The following LTBP2 variants were observed in gnomAD, a reference collection of about 807,000 sequenced individuals.
LTBP2 encodes latent transforming growth factor beta binding protein 2.
Under a neutral mutation model 210.6 loss-of-function variants are expected in LTBP2, and 103 were observed. The observed-to-expected ratio is 0.49, with a 90% CI of 0.42 to 0.58. The LOEUF (loss-of-function observed/expected upper bound fraction) is 0.58, where lower values mean the gene tolerates loss of function less well. Ranked by LOEUF, LTBP2 falls within the 20% of genes least tolerant of loss-of-function variation. LTBP2 has a pLI of 0.00. For missense variants in LTBP2, 2,313 were observed against 2,494.5 expected (o/e 0.93, Z 1.55); for synonymous variants, 1,007 against 1,015.0 (o/e 0.99, Z 0.15).
chr14:74,561,266 C>T lies in LTBP2; in HGVS notation c.831-5573G>A, dbSNP rs10134872. On this transcript the variant is annotated intron_variant, in intron 3 of 35. Transcript: ENST00000261978. The stretch of plus-strand genomic sequence containing the variant: ...CCGGGAGGCAGAGGTTGCAGTGAGC[C>T]GAGATCACGCCATTGCATTCCAGCC... 7.0e-3 allele frequency among the ~76,000 whole-genome samples: 1,062 copies of T among 152,026 alleles called. 9 individuals carry two copies. The highest frequency in any genetic ancestry group is 0.025 in the African/African-American group (1,024 of 41,450).
chr14:74,564,972 G>A (rs1188886428), intron 3 of LTBP2, among the ~76,000 whole-genome samples: 3 of 152,192 alleles, frequency 2.0e-5, no homozygotes, highest in African/African-American at 7.2e-5. Flanking sequence ...GGCTTTGAGG[G>A]ATTAAAGAAT....
intron 2 of LTBP2, among the ~76,000 whole-genome samples, chr14:74,597,346 T>C (rs1595299995): frequency 1.3e-5 from 2 of 152,098 alleles, no homozygotes; most frequent in Non-Finnish European, 2.9e-5. Context: ...ATTTGGAAGG[T>C]CTGGGGAAAG....
intron 14 of LTBP2, 145 bp downstream of exon 14, chr14:74,525,930 C>G: frequency 1.2e-6 from 1 of 845,510 alleles, no homozygotes; most frequent in Non-Finnish European, 1.9e-6. Context: ...CTCCCAGAAA[C>G]AGCACTCACA....
chr14:74,508,934 T>C lies in LTBP2; in HGVS notation c.3422A>G (p.Asp1141Gly). ...DSCEDVDECEDPQSSCLGGEC... is the reference protein window; with the variant it reads ...DSCEDVDECEGPQSSCLGGEC... ...GCCTCCCAGGCAGCTGCTCTGGGGG[T>C]CTTCACATTCATCCACATCTGCAGG... The change falls in exon 23 of 36, where the codon GAC (aspartate) becomes GGC (glycine). Residue 1141 changes from aspartate to glycine, a missense_variant. By Grantham distance (94) the Asp-to-Gly change is moderately conservative (BLOSUM62 -1). Transcript: ENST00000261978. 6.2e-7 allele frequency: 1 copy of C among 1,612,792 alleles called. No homozygotes were observed. Among genetic ancestry groups the C allele is most frequent in the African/African-American group, 1.3e-5 (1 of 74,710 alleles).
At chr14:74,520,787 C>T (rs894201944) in intron 17 of LTBP2, among the ~76,000 whole-genome samples, 3 of 147,070 alleles carry the variant, frequency 2.0e-5, no homozygotes, top group Admixed American at 6.8e-5. Context: ...GGTGACAGAG[C>T]GAGACTCCAT....
At chr14:74,602,965 G>A (rs1324137850) in intron 2 of LTBP2, among the ~76,000 whole-genome samples, 1 of 152,248 alleles carries the variant, frequency 6.6e-6, no homozygotes, top group Non-Finnish European at 1.5e-5. Flanking sequence ...GGGATGCGGA[G>A]GCTCTGGGCC....
intron 3 of LTBP2, among the ~76,000 whole-genome samples, chr14:74,573,080 A>G (rs1462294558): frequency 1.3e-5 from 2 of 152,230 alleles, no homozygotes; most frequent in African/African-American, 4.8e-5. Context: ...CGACTTCTGT[A>G]GTTTTCTGAA....
At chr14:74,556,972 T>C (rs1283045704) in intron 3 of LTBP2, among the ~76,000 whole-genome samples, 2 of 152,152 alleles carry the variant, frequency 1.3e-5, no homozygotes, top group Non-Finnish European at 2.9e-5. Context: ...ATTAAAACTT[T>C]AGGATGAGGC....
chr14:74,608,428 G>A (rs2088557665), intron 1 of LTBP2, among the ~76,000 whole-genome samples: 1 of 151,788 alleles, frequency 6.6e-6, no homozygotes, highest in Non-Finnish European at 1.5e-5. Context: ...CCCTATAGAG[G>A]CCAGGCGTGG....
chr14:74,556,328 T>C (rs2087728503), intron 3 of LTBP2, among the ~76,000 whole-genome samples: 1 of 152,240 alleles, frequency 6.6e-6, no homozygotes, highest in Admixed American at 6.5e-5. Flanking sequence ...GTATATGATT[T>C]TACACTATTG....
chr14:74,601,265 G>T (rs4430686), intron 2 of LTBP2, among the ~76,000 whole-genome samples: 3,685 of 152,188 alleles, frequency 0.024, 169 homozygotes, highest in African/African-American at 0.085. Context: ...ATTATGAGGG[G>T]CTGGGCGTGG....
intron 4 of LTBP2, among the ~76,000 whole-genome samples, chr14:74,553,412 C>T (rs1566635734): frequency 1.3e-5 from 2 of 152,102 alleles, no homozygotes; most frequent in South Asian, 2.1e-4. Flanking sequence ...AAAAATGAGG[C>T]CCAGAGAAGT....
At chr14:74,585,604 C>T (rs971127835) in intron 3 of LTBP2, among the ~76,000 whole-genome samples, 2 of 152,170 alleles carry the variant, frequency 1.3e-5, no homozygotes, top group Non-Finnish European at 2.9e-5. Context: ...CTTTCAGGCA[C>T]TCGAGGGCAA....
At chr14:74,584,883 C>G (rs1476080162) in intron 3 of LTBP2, among the ~76,000 whole-genome samples, 1 of 152,148 alleles carries the variant, frequency 6.6e-6, no homozygotes, top group Non-Finnish European at 1.5e-5. Context: ...CCAGTCTCTC[C>G]TAACCTTTCC....
chr14:74,607,613 G>A (rs11159091), intron 1 of LTBP2, among the ~76,000 whole-genome samples: 49,319 of 152,016 alleles, frequency 0.32, 10,197 homozygotes, highest in Non-Finnish European at 0.46. Flanking sequence ...GAATAAACTT[G>A]GGCTAATTAT....
At chr14:74,536,074 G>A in intron 8 of LTBP2, 74 bp from the exon 9 acceptor site, 2 of 1,305,392 alleles carry the variant, frequency 1.5e-6, no homozygotes, top group Non-Finnish European at 2.2e-6. Flanking sequence ...TGGGAAGCGG[G>A]TGCAGTCTGG....
chr14:74,586,250 G>T lies in LTBP2; in HGVS notation c.566-132C>A. The T allele has an allele frequency of 1.0e-6, 1 of 980,550 alleles. No individual in the cohort carries two copies. The highest frequency in any genetic ancestry group is 1.5e-6 in the Non-Finnish European group (1 of 668,042). The allele number at this position is 980,550 out of a possible 1,614,324, so 60.7% of individuals were successfully genotyped here. ...GCTCAAGCAGGAAGCCACTCTCCTGGCCTCAGGGGGCTCCCTGACCCATGT... is the reference window on the plus strand; with the variant it reads ...GCTCAAGCAGGAAGCCACTCTCCTGTCCTCAGGGGGCTCCCTGACCCATGT... On this transcript the variant is annotated intron_variant, in intron 2 of 35. Coordinates refer to ENST00000261978, the MANE Select transcript of LTBP2 (RefSeq NM_000428.3). The surrounding 1 kb of genome is among the most constrained non-coding windows in gnomAD (Gnocchi z 4.6).
Position 74,585,884 on chromosome 14 carries a change from G to C in LTBP2, c.800C>G (p.Ser267Trp). 6.2e-7 allele frequency: 1 copy of C among 1,613,698 alleles called. No individual in the cohort carries two copies. Among genetic ancestry groups the C allele is most frequent in the Non-Finnish European group, 8.5e-7 (1 of 1,179,708 alleles). Reference sequence around the variant, plus strand: ...TGGTGGCGACTGTGGTGCGGGCGGCGACTGTGGTGCTGGCGGCTGTGCTCT... The same window carrying C: ...TGGTGGCGACTGTGGTGCGGGCGGCCACTGTGGTGCTGGCGGCTGTGCTCT... ...LARAQPPAPQ[S>W]PPAPQSPPAG... Residue 267 changes from serine to tryptophan, a missense_variant, in exon 3 of 36, where the codon TCG (serine) becomes TGG (tryptophan). Around this residue, in one of 3 missense-constraint regions of LTBP2, gnomAD observed 1,867 missense variants for 1,976.9 expected, o/e 0.94. Transcript: ENST00000261978.
chr14:74,506,772 T>C lies in LTBP2; in HGVS notation c.3959A>G (p.Asp1320Gly). Residue 1320 changes from aspartate to glycine, a missense_variant, in exon 27 of 36, where the codon GAC becomes GGC. This residue lies in a region of LTBP2 where 1,867 missense variants were observed against 1,976.9 expected (regional missense o/e 0.94). Coordinates refer to ENST00000261978, the MANE Select transcript of LTBP2 (RefSeq NM_000428.3). ...DTMCGSHGFC[D>G]NTDGSFRCLC... The stretch of plus-strand genomic sequence containing the variant: ...GCAGCGGAAGGAGCCATCAGTGTTG[T>C]CACAGAAGCCGTGGCTGCCACACAT... The C allele has an allele frequency of 6.2e-7, 1 of 1,614,062 alleles. No individual in the cohort carries two copies. Among genetic ancestry groups the C allele is most frequent in the Non-Finnish European group, 8.5e-7 (1 of 1,180,032 alleles).
Sources: gnomAD v4.1 joint callset for allele counts (sites outside exome capture counted in the v4.1 genomes callset) on GRCh38, gnomAD v4.1.1 for gene constraint, gnomAD v4.1.1 regional missense constraint, Gnocchi (gnomAD v3.1) non-coding constraint, MANE v1.5 for transcripts, NCBI Gene and HGNC (gene_info 2026-07-23, HGNC 2026-07-21) for gene names.